LRIF1: variants seen among roughly 807,000 people sequenced by gnomAD.
The protein encoded by LRIF1 is ligand-dependent nuclear receptor-interacting factor 1.
Under a neutral mutation model 52.7 loss-of-function variants are expected in LRIF1, and 32 were observed. The observed-to-expected ratio is 0.61, with a 90% CI of 0.46 to 0.82. The LOEUF (loss-of-function observed/expected upper bound fraction) is 0.82, where lower values mean the gene tolerates loss of function less well. LRIF1 is among the 40% of genes least tolerant of loss of function. The probability of loss-of-function intolerance (pLI) is 0.00; values close to 1 mark genes in which losing one functional copy is unlikely to be tolerated. For missense variants in LRIF1, 887 were observed against 892.0 expected, an observed-to-expected ratio of 0.99 and a Z score of 0.07; for synonymous variants, 323 against 317.4, an observed-to-expected ratio of 1.02 and a Z score of -0.19.
At chr1:110,883,046 T>C in the LRIF1 span, among the ~76,000 whole-genome samples, 1 of 152,012 alleles carries the variant, frequency 6.6e-6, no homozygotes, top group African/African-American at 2.4e-5. Flanking sequence ...TTGGATGCCA[T>C]TCTTTTCATA....
intron 1 of LRIF1, among the ~76,000 whole-genome samples, chr1:110,955,300 A>G (rs931369302): frequency 2.6e-5 from 4 of 152,164 alleles, no homozygotes; most frequent in African/African-American, 7.2e-5. Context: ...CATCTGTTCA[A>G]TTCTCTCCAA....
At chr1:110,944,832 A>T (rs537368515), downstream of LRIF1, 1 of 152,332 alleles carries the variant, frequency 6.6e-6, no homozygotes, top group South Asian at 2.1e-4. Context: ...TTTTGAGGCC[A>T]AATTGGTAAA....
In LRIF1 at chr1:110,960,195, A is replaced by G. The variant is rs1034886393; in HGVS notation, c.68+3426T>C. Among the ~76,000 whole-genome samples the G allele has an allele frequency of 8.5e-5, 13 of 152,322 alleles. No individual in the cohort carries two copies. The South Asian group carries it at 2.1e-3, about 24-fold the overall frequency. On this transcript the variant is annotated intron_variant, in intron 1 of 3. Coordinates refer to ENST00000369763, the MANE Select transcript of LRIF1 (RefSeq NM_018372.4). ...TACTTAGAATTACACACTCCCCTTG[A>G]GAAAGCTTATCTACTTTCTATATTT...
chr1:110,931,319 C>A, the LRIF1 span, among the ~76,000 whole-genome samples: 22 of 152,190 alleles, frequency 1.4e-4, no homozygotes, highest in South Asian at 4.2e-3. Context: ...TGAACTCATC[C>A]TTTTTCATGG....
rs1403693030 is a variant in LRIF1, at chr1:110,947,459, CACG to C, written c.*497_*499del. ...AATGTTGCCATAATACATATTATTT[CACG>C]ACATTAAAAAAAACAATGGTGAATA... On this transcript the variant is annotated 3_prime_UTR_variant, in exon 4 of 4. Transcript: ENST00000369763. 6.6e-6 allele frequency: 1 copy of C among 152,078 alleles called. No individual in the cohort carries two copies. The highest frequency in any genetic ancestry group is 2.4e-5 in the African/African-American group (1 of 41,358). 9.4% of individuals were successfully genotyped at this position (152,078 alleles called of 1,614,324 possible).
At chr1:110,878,927 T>C in the LRIF1 span, among the ~76,000 whole-genome samples, 7 of 152,338 alleles carry the variant, frequency 4.6e-5, no homozygotes, top group African/African-American at 1.7e-4. Context: ...CTTGCATTTA[T>C]TTATTTATCT....
At chr1:110,897,647 C>T in the LRIF1 span, 1 of 483,918 alleles carries the variant, frequency 2.1e-6, no homozygotes, top group Non-Finnish European at 3.7e-6. Flanking sequence ...TATTTCCCAC[C>T]TTATGCCTGT....
the LRIF1 span, among the ~76,000 whole-genome samples, chr1:110,915,549 C>A: frequency 5.3e-5 from 8 of 151,390 alleles, no homozygotes; most frequent in Admixed American, 1.3e-4. Flanking sequence ...TGTACAAAAC[C>A]GTATTATTTA....
At chr1:110,922,836 T>G in the LRIF1 span, among the ~76,000 whole-genome samples, 11 of 152,252 alleles carry the variant, frequency 7.2e-5, no homozygotes, top group Non-Finnish European at 1.5e-4. Context: ...ATCTATTCTT[T>G]GCCTCTTTCA....
chr1:110,888,177 T>C, the LRIF1 span, among the ~76,000 whole-genome samples: 10 of 152,220 alleles, frequency 6.6e-5, no homozygotes, highest in Admixed American at 2.0e-4. Flanking sequence ...CCTGAATGTA[T>C]ACTTCTGACC....
rs181447635 is a variant in LRIF1 at position 110,957,737 on chromosome 1, T to C, written c.69-4922A>G. 3.3e-5 allele frequency among the ~76,000 whole-genome samples: 5 copies of C among 152,302 alleles called. No homozygotes were observed. The East Asian group carries it at 7.7e-4, about 24-fold the overall frequency. ...GGCAGCGCCAATATTTTCCACATCA[T>C]ATAGGTTTCAAATCACCTAGTCATT... is the stretch of plus-strand genomic sequence containing the variant. On this transcript the variant is annotated intron_variant, in intron 1 of 3. Coordinates refer to ENST00000369763, the MANE Select transcript of LRIF1 (RefSeq NM_018372.4).
the LRIF1 span, among the ~76,000 whole-genome samples, chr1:110,886,847 A>AGT: frequency 2.6e-5 from 1 of 37,786 alleles, no homozygotes; most frequent in South Asian, 1.0e-3. Flanking sequence ...TCTGTCTCCA[A>AGT]TATATATATA....
At chr1:110,904,092 T>A in the LRIF1 span, among the ~76,000 whole-genome samples, 1 of 152,194 alleles carries the variant, frequency 6.6e-6, no homozygotes, top group Admixed American at 6.5e-5. Context: ...ATGGTTTGAA[T>A]GCCAGCTCAG....
chr1:110,920,918 C>T, the LRIF1 span, among the ~76,000 whole-genome samples: 2 of 152,022 alleles, frequency 1.3e-5, no homozygotes, highest in African/African-American at 2.4e-5. Context: ...GGAGAATTTA[C>T]GACCAGCAAA....
chr1:110,892,250 A>C, the LRIF1 span: 1 of 927,838 alleles, frequency 1.1e-6, no homozygotes, highest in Non-Finnish European at 1.8e-6. Context: ...AGCCAGTTAA[A>C]AATAAAGTGA....
the LRIF1 span, chr1:110,938,282 T>C: frequency 1.3e-5 from 2 of 152,172 alleles, no homozygotes; most frequent in Admixed American, 6.5e-5. Flanking sequence ...CCAATATCTC[T>C]GATGAATATT....
chr1:110,933,833 G>A, the LRIF1 span, among the ~76,000 whole-genome samples: 3 of 152,170 alleles, frequency 2.0e-5, no homozygotes, highest in Non-Finnish European at 4.4e-5. Context: ...TGGGGGACAT[G>A]TGACCTATGG....
the LRIF1 span, among the ~76,000 whole-genome samples, chr1:110,900,448 C>T: frequency 9.2e-5 from 14 of 152,116 alleles, no homozygotes; most frequent in East Asian, 1.3e-3. Flanking sequence ...CTCACTGCAA[C>T]CTCTGCCTCC....
the LRIF1 span, among the ~76,000 whole-genome samples, chr1:110,909,573 C>CTTTTTT: frequency 1.3e-4 from 10 of 78,016 alleles, no homozygotes; most frequent in Non-Finnish European, 1.9e-4. Flanking sequence ...GCAGGGGTAG[C>CTTTTTT]TTTTTTTTTT....
Sources: allele counts gnomAD v4.1 joint callset (sites outside exome capture counted in the v4.1 genomes callset), GRCh38; gene constraint gnomAD v4.1.1; transcripts MANE v1.5; gene names NCBI Gene and HGNC (gene_info 2026-07-23, HGNC 2026-07-21).